Variants in MTMR11 observed in about 807,000 individuals in gnomAD.
MTMR11 encodes the protein myotubularin-related protein 11.
Under a neutral mutation model 100.0 loss-of-function variants are expected in MTMR11, and 89 were observed. The observed-to-expected ratio is 0.89, with a 90% CI of 0.75 to 1.06. MTMR11 has a LOEUF of 1.06. Ranked by LOEUF, MTMR11 falls within the 50% of genes least tolerant of loss-of-function variation. The pLI is 0.00. For missense variants in MTMR11, 809 were observed against 873.7 expected, an observed-to-expected ratio of 0.93 and a Z score of 0.93; for synonymous variants, 336 against 326.3, an observed-to-expected ratio of 1.03 and a Z score of -0.32.
Position 149,928,914 on chromosome 1 carries a change from A to G in MTMR11, c.*215T>C. 6.2e-7 allele frequency: 1 copy of G among 1,614,150 alleles called. No individual in the cohort carries two copies. The highest frequency in any genetic ancestry group is 8.5e-7 in the Non-Finnish European group (1 of 1,180,010). ...GGATGGGATTGGCCTAAAAAAACCG[A>G]TCAATTTCTGGATTGTTTTTGTTTC... On this transcript the variant is annotated 3_prime_UTR_variant, in exon 17 of 17. Transcript: ENST00000439741.
chr1:149,934,970 G>A lies in MTMR11; in HGVS notation c.468+16C>T, dbSNP rs1039514989. The A allele has an allele frequency of 2.5e-6, 4 of 1,612,822 alleles. No individual in the cohort carries two copies. Among genetic ancestry groups the A allele is most frequent in the Non-Finnish European group, 3.4e-6 (4 of 1,179,850 alleles). Reference sequence around the variant, plus strand: ...TTCTGAGGTGAGGAGAAAGCCTCAGGTTAGGGGCCTCTTACCTGAAAAGCC... The same window carrying A: ...TTCTGAGGTGAGGAGAAAGCCTCAGATTAGGGGCCTCTTACCTGAAAAGCC... On this transcript the variant is annotated intron_variant, in intron 5 of 16. Transcript: ENST00000439741.
At chr1:149,932,084 C>A in intron 11 of MTMR11, 70 bp from the exon 12 acceptor site, 1 of 1,479,802 alleles carries the variant, frequency 6.8e-7, no homozygotes, top group South Asian at 1.1e-5. Flanking sequence ...TTTGATGGGT[C>A]ATGGGATGGA....
Position 149,936,779 on chromosome 1 carries a change from G to T in MTMR11, c.-132C>A. 4 of 683,940 alleles carry T rather than the reference G, an allele frequency of 5.8e-6. No individual in the cohort carries two copies. The highest frequency in any genetic ancestry group is 7.7e-6 in the Non-Finnish European group (3 of 387,258). 42.4% of individuals were successfully genotyped at this position (683,940 alleles called of 1,614,324 possible). On this transcript the variant is annotated 5_prime_UTR_variant, in exon 1 of 17. Coordinates refer to ENST00000439741, the MANE Select transcript of MTMR11 (RefSeq NM_001145862.2). ...AGAGGGGTAGGGGGTTGGACACAAGGGAAAGGAGCATTTGACGTGCACGGA... is the reference window on the plus strand; with the variant it reads ...AGAGGGGTAGGGGGTTGGACACAAGTGAAAGGAGCATTTGACGTGCACGGA...
intron 15 of MTMR11, 199 bp from the exon 16 acceptor site, chr1:149,930,115 G>A: frequency 2.8e-6 from 2 of 702,404 alleles, no homozygotes; most frequent in South Asian, 2.0e-5. Flanking sequence ...TGATTTTAGG[G>A]CACCTTATGT....
Position 149,936,120 on chromosome 1 carries a change from T to G in MTMR11, c.142+34A>C, listed in dbSNP as rs1298224689. On this transcript the variant is annotated intron_variant, in intron 2 of 16. Transcript: ENST00000439741. ...AACAAGATTGGCGTAGGATGAAATT[T>G]GGAAGTCTTTGGAGAGTGATAGGGC... is the stretch of plus-strand genomic sequence containing the variant. 7.6e-6 allele frequency: 12 copies of G among 1,586,404 alleles called. No homozygotes were observed. In the Middle Eastern group the frequency reaches 8.3e-4, roughly 110 times the overall value.
chr1:149,936,039 G>A (rs1553769103), intron 2 of MTMR11, 115 bp downstream of exon 2: 5 of 1,141,770 alleles, frequency 4.4e-6, no homozygotes, highest in East Asian at 4.7e-5. Flanking sequence ...CGAGCCTCAG[G>A]CAGACGTACT....
rs1553768810 is a variant in MTMR11, at chr1:149,935,283, C to CA, written c.325+15_325+16insT. 4 of 1,298,306 alleles carry CA rather than the reference C, an allele frequency of 3.1e-6. No individual in the cohort carries two copies. In the East Asian group the frequency reaches 1.2e-4, roughly 38 times the overall value. 80.4% of individuals were successfully genotyped at this position (1,298,306 alleles called of 1,614,324 possible). On this transcript the variant is annotated intron_variant, in intron 4 of 16. Transcript: ENST00000439741. ...AACCCCAGTGAACCCCTTCACCAAACCCCCCCCCAACTTACCAGCCTCTAA... is the reference window on the plus strand; with the variant it reads ...AACCCCAGTGAACCCCTTCACCAAACACCCCCCCCAACTTACCAGCCTCTAA...
chr1:149,932,938 G>A (rs2092678924), intron 10 of MTMR11, among the ~76,000 whole-genome samples: 1 of 147,586 alleles, frequency 6.8e-6, no homozygotes, highest in African/African-American at 2.5e-5. Flanking sequence ...GCCACAGAGG[G>A]AGACTCCGTC....
chr1:149,932,217 G>T, intron 11 of MTMR11, 47 bp downstream of exon 11: 1 of 1,581,254 alleles, frequency 6.3e-7, no homozygotes, highest in Non-Finnish European at 8.7e-7. Flanking sequence ...ACAGAAGGTT[G>T]AGGAAGGTTG....
chr1:149,936,415 G>A (rs1319972600), intron 1 of MTMR11, 167 bp downstream of exon 1: 16 of 1,444,774 alleles, frequency 1.1e-5, no homozygotes, highest in African/African-American at 1.4e-5. Context: ...TGGATAATGA[G>A]ACAACGAACT....
In MTMR11 at chr1:149,929,016, T is replaced by C. The variant is rs2092618037; in HGVS notation, c.*113A>G. Reference sequence around the variant, plus strand: ...CAAGAGTTGGAGCAGTTAACACCACTATCTGCAGCAGAAACTCAGACCTTC... The same window carrying C: ...CAAGAGTTGGAGCAGTTAACACCACCATCTGCAGCAGAAACTCAGACCTTC... On this transcript the variant is annotated 3_prime_UTR_variant, in exon 17 of 17. Coordinates refer to ENST00000439741, the MANE Select transcript of MTMR11 (RefSeq NM_001145862.2). 1 of 1,602,300 alleles carries C rather than the reference T, an allele frequency of 6.2e-7. No individual in the cohort carries two copies. The highest frequency in any genetic ancestry group is 1.1e-5 in the South Asian group (1 of 90,202).
intron 1 of MTMR11, 69 bp from the exon 2 acceptor site, chr1:149,936,298 G>T: frequency 6.2e-7 from 1 of 1,600,356 alleles, no homozygotes; most frequent in Non-Finnish European, 8.5e-7. Context: ...AGAGGCAGCT[G>T]CCTGTAGAGG....
chr1:149,933,288 GA>G lies in MTMR11; in HGVS notation c.985+117del. The G allele has an allele frequency of 2.2e-6, 3 of 1,377,582 alleles. No individual in the cohort carries two copies. In the South Asian group the frequency reaches 4.2e-5, roughly 19 times the overall value. 85.3% of individuals were successfully genotyped at this position (1,377,582 alleles called of 1,614,324 possible). On this transcript the variant is annotated intron_variant, in intron 10 of 16. Coordinates refer to ENST00000439741, the MANE Select transcript of MTMR11 (RefSeq NM_001145862.2). The stretch of plus-strand genomic sequence containing the variant: ...CGTCTCAAGAAAAAAGAAAAGAAAA[GA>G]AAACGGGCTCATTGGACTAAAGAGC...
chr1:149,935,381 G>A (rs782330751), intron 3 of MTMR11, 22 bp from the exon 4 acceptor site: 2 of 1,612,846 alleles, frequency 1.2e-6, no homozygotes, highest in South Asian at 2.2e-5. Context: ...ACGTGACTGG[G>A]TAGACATCTG....
intron 5 of MTMR11, among the ~76,000 whole-genome samples, chr1:149,934,764 C>A (rs1468576774): frequency 6.6e-6 from 1 of 152,234 alleles, no homozygotes; most frequent in African/African-American, 2.4e-5. Flanking sequence ...GAGGAGGAAA[C>A]TTGCCCACAG....
At position 149,932,250 on chromosome 1, in the gene MTMR11, A is replaced by C; in HGVS notation, c.1052+14T>G. 1 of 1,612,180 alleles carries C rather than the reference A, an allele frequency of 6.2e-7. No individual in the cohort carries two copies. ...TTGAATTATAAATGATGGCTAGAAG[A>C]AGCGAGGGAGTACCTGACATAGTCC... On this transcript the variant is annotated intron_variant, in intron 11 of 16. Coordinates refer to ENST00000439741, the MANE Select transcript of MTMR11 (RefSeq NM_001145862.2).
intron 2 of MTMR11, among the ~76,000 whole-genome samples, 173 bp from the exon 3 acceptor site, chr1:149,935,878 T>C (rs2092715229): frequency 6.6e-6 from 1 of 152,172 alleles, no homozygotes; most frequent in Admixed American, 6.5e-5. Flanking sequence ...TTTCTGTAAC[T>C]AGAACAGAGC....
chr1:149,935,854 TA>T, intron 2 of MTMR11, 149 bp from the exon 3 acceptor site: 1 of 1,110,126 alleles, frequency 9.0e-7, no homozygotes, highest in Non-Finnish European at 1.3e-6. Context: ...TGAGGAAAGA[TA>T]AATGTTTTTT....
At chr1:149,936,323 C>A in intron 1 of MTMR11, 94 bp from the exon 2 acceptor site, 1 of 1,554,028 alleles carries the variant, frequency 6.4e-7, no homozygotes, top group Non-Finnish European at 8.7e-7. Flanking sequence ...CACTCACACT[C>A]TCGGGGGAAA....
Sources: gnomAD v4.1 joint callset for allele counts (sites outside exome capture counted in the v4.1 genomes callset) on GRCh38, gnomAD v4.1.1 for gene constraint, MANE v1.5 for transcripts, NCBI Gene and HGNC (gene_info 2026-07-23, HGNC 2026-07-21) for gene names.